The following KIAA0753 variants were observed in gnomAD, a reference collection of about 807,000 sequenced individuals.
KIAA0753 encodes the protein KIAA0753.
A neutral mutation model predicts 116.9 loss-of-function variants in KIAA0753; 114 were observed. That is an observed-to-expected ratio of 0.98 (90% CI 0.84 to 1.14). The LOEUF is 1.14. Among genes scored for constraint, KIAA0753 ranks in the 50% most tolerant of loss-of-function variants. The probability of loss-of-function intolerance (pLI) is 0.00; values close to 1 mark genes in which losing one functional copy is unlikely to be tolerated. For synonymous variants in KIAA0753, 405 were observed against 413.1 expected (o/e 0.98, Z 0.24); for missense variants, 1,156 against 1,172.4 (o/e 0.99, Z 0.20).
chr17:6,586,763 G>C (rs191285403), intron 18 of KIAA0753, among the ~76,000 whole-genome samples: 1 of 152,222 alleles, frequency 6.6e-6, no homozygotes, highest in Admixed American at 6.5e-5. Context: ...TATATCACCT[G>C]CTCAAGCTAA....
intron 2 of KIAA0753, among the ~76,000 whole-genome samples, chr17:6,630,709 G>T (rs1971972983): frequency 6.6e-6 from 1 of 152,130 alleles, no homozygotes; most frequent in Non-Finnish European, 1.5e-5. Flanking sequence ...GTAAACAATG[G>T]TCTATCCACA....
intron 10 of KIAA0753, among the ~76,000 whole-genome samples, 176 bp downstream of exon 10, chr17:6,608,172 T>C (rs1235334368): frequency 1.3e-5 from 2 of 152,236 alleles, no homozygotes; most frequent in Admixed American, 6.5e-5. Flanking sequence ...ATAAGCTATA[T>C]AGTTTGACTG....
chr17:6,613,118 G>A (rs1481277900), intron 7 of KIAA0753, among the ~76,000 whole-genome samples: 3 of 151,872 alleles, frequency 2.0e-5, no homozygotes, highest in East Asian at 3.9e-4. Flanking sequence ...ATAAGAAGAC[G>A]AAAACATAAA....
chr17:6,636,659 GA>G, intron 1 of KIAA0753: 1 of 152,300 alleles, frequency 6.6e-6, no homozygotes, highest in Non-Finnish European at 1.5e-5. Flanking sequence ...GCATCTCCAC[GA>G]AAACCCTCTC....
chr17:6,612,285 T>C (rs992866136), intron 7 of KIAA0753, 137 bp from the exon 8 acceptor site: 17 of 655,552 alleles, frequency 2.6e-5, no homozygotes, highest in Non-Finnish European at 3.9e-5. Context: ...GTTGTCAACA[T>C]TGTTCCTCCT....
At chr17:6,623,753 A>T in intron 4 of KIAA0753, 182 bp from the exon 5 acceptor site, 1 of 780,934 alleles carries the variant, frequency 1.3e-6, no homozygotes. Flanking sequence ...TTCCAGTTCA[A>T]GATAGTGAAT....
At position 6,623,736 on chromosome 17, in the gene KIAA0753, T is replaced by C. The variant is rs1218659617; in HGVS notation, c.826-165A>G. ...TTCATTCATGCACCCAAAAAACAGTTACTGGTTTCCAGTTCAAGATAGTGA... is the reference window on the plus strand; with the variant it reads ...TTCATTCATGCACCCAAAAAACAGTCACTGGTTTCCAGTTCAAGATAGTGA... On this transcript the variant is annotated intron_variant, in intron 4 of 18. Transcript: ENST00000361413. The C allele has an allele frequency of 4.1e-6, 4 of 976,784 alleles. No homozygotes were observed. In the African/African-American group the frequency reaches 6.8e-5, roughly 17 times the overall value. The allele number at this position is 976,784 out of a possible 1,614,324, so 60.5% of individuals were successfully genotyped here.
chr17:6,590,902 C>T (rs1443222966), intron 16 of KIAA0753, among the ~76,000 whole-genome samples: 1 of 152,048 alleles, frequency 6.6e-6, no homozygotes, highest in East Asian at 1.9e-4. Context: ...CCCCAGGCTA[C>T]ATGGCTTCCA....
At position 6,628,478 on chromosome 17, in the gene KIAA0753, T is replaced by C; in HGVS notation, c.357A>G (p.Glu119=). The change falls in exon 3 of 19, where the codon GAA becomes GAG. Residue 119 remains glutamate, a synonymous_variant. Transcript: ENST00000361413. The part of the protein sequence containing the change: ...KRRQFEKHIK[E]HHLRSQPQSS... ...TTTGAGGCTGACTTCTGAGATGATG[T>C]TCTTTTATATGTTTTTCAAATTGTC... The C allele has an allele frequency of 6.2e-7, 1 of 1,614,218 alleles. No homozygotes were observed. The highest frequency in any genetic ancestry group is 8.5e-7 in the Non-Finnish European group (1 of 1,180,040).
intron 3 of KIAA0753, among the ~76,000 whole-genome samples, chr17:6,627,272 A>G (rs1971729166): frequency 6.6e-6 from 1 of 152,222 alleles, no homozygotes; most frequent in Non-Finnish European, 1.5e-5. Flanking sequence ...CCTTTGCCAC[A>G]ATATCCTCAT....
Position 6,606,973 on chromosome 17 carries a change from G to A in KIAA0753, c.1920-11C>T. On this transcript the variant is annotated splice_polypyrimidine_tract_variant and intron_variant, in intron 11 of 18. Transcript: ENST00000361413. The stretch of plus-strand genomic sequence containing the variant: ...TCAAGCCAATCAAGCCTAGAGAACA[G>A]TATCAAGAGTCACCCCAACTCTCCT... 6.2e-7 allele frequency: 1 copy of A among 1,611,948 alleles called. No individual in the cohort carries two copies. Among genetic ancestry groups the A allele is most frequent in the Non-Finnish European group, 8.5e-7 (1 of 1,178,028 alleles).
chr17:6,640,500 C>G (rs1972605800), intron 1 of KIAA0753, 137 bp downstream of exon 1: 1 of 152,140 alleles, frequency 6.6e-6, no homozygotes, highest in South Asian at 2.1e-4. Context: ...GTCCCAGGCC[C>G]CCGTAAAGCC....
intron 9 of KIAA0753, 56 bp downstream of exon 9, chr17:6,609,938 T>G: frequency 1.3e-6 from 2 of 1,582,380 alleles, no homozygotes; most frequent in South Asian, 1.1e-5. Context: ...TCACCTTTGA[T>G]ATATGGAGGA....
At chr17:6,632,059 A>AT (rs921010113) in intron 2 of KIAA0753, among the ~76,000 whole-genome samples, 2 of 151,674 alleles carry the variant, frequency 1.3e-5, no homozygotes, top group African/African-American at 4.9e-5. Context: ...ATTTTTTTGT[A>AT]TTTTTTAGCA....
chr17:6,612,334 G>A (rs1390562031), intron 7 of KIAA0753, among the ~76,000 whole-genome samples, 186 bp from the exon 8 acceptor site: 3 of 152,148 alleles, frequency 2.0e-5, no homozygotes, highest in African/African-American at 7.2e-5. Context: ...CAGAAACCTA[G>A]GTGTCACGGT....
chr17:6,637,602 C>T (rs1295205909), intron 1 of KIAA0753: 1 of 153,054 alleles, frequency 6.5e-6, no homozygotes, highest in Non-Finnish European at 1.5e-5. Flanking sequence ...CCAGCAGCCC[C>T]ACAGCCATGG....
rs770871319 is a variant in KIAA0753 at position 6,590,521 on chromosome 17, G to A, written c.2550C>T (p.Pro850=). 3 of 1,613,850 alleles carry A rather than the reference G, an allele frequency of 1.9e-6. No homozygotes were observed. In the Admixed American group the frequency reaches 5.0e-5, roughly 27 times the overall value. ...TCTTTGCCACTTACTTGCCATTACA[G>A]GGCCTTTCTAACATGATGTTCACGG... is the stretch of plus-strand genomic sequence containing the variant. The part of the protein sequence containing the change: ...DPAVNIMLER[P]CNGNSLDESV... Residue 850 remains proline (P), a synonymous_variant, in exon 17 of 19, where the codon CCC becomes CCT. Transcript: ENST00000361413.
chr17:6,591,055 A>AGAAG (rs1567540693), intron 16 of KIAA0753, among the ~76,000 whole-genome samples: 100 of 63,324 alleles, frequency 1.6e-3, no homozygotes, highest in East Asian at 5.9e-3. Flanking sequence ...AAGAAGAAGA[A>AGAAG]GAAGAAGAAG....
rs1383830973 is a variant in KIAA0753 at position 6,607,143 on chromosome 17, C to T, written c.1919+38G>A. 3 of 1,516,462 alleles carry T rather than the reference C, an allele frequency of 2.0e-6. No homozygotes were observed. The South Asian group carries it at 3.4e-5, about 17-fold the overall frequency. 93.9% of individuals were successfully genotyped at this position (1,516,462 alleles called of 1,614,324 possible). On this transcript the variant is annotated intron_variant, in intron 11 of 18. Transcript: ENST00000361413. ...TTAATGTATAGAGATGTAGAATAGG[C>T]CTGCTTACCTTTTCCTAACTCAGAA...
Sources: gnomAD v4.1 joint callset for allele counts (sites outside exome capture counted in the v4.1 genomes callset) on GRCh38, gnomAD v4.1.1 for gene constraint, MANE v1.5 for transcripts, NCBI Gene and HGNC (gene_info 2026-07-23, HGNC 2026-07-21) for gene names.